The following DGKI variants were observed in gnomAD, a reference collection of about 807,000 sequenced individuals.
The protein encoded by DGKI is diacylglycerol kinase iota.
Under a neutral mutation model 147.5 loss-of-function variants are expected in DGKI, and 55 were observed. That is an observed-to-expected ratio of 0.37 (90% confidence interval 0.30 to 0.47). The LOEUF is 0.47. DGKI is among the 20% of genes least tolerant of loss of function. The probability of loss-of-function intolerance (pLI) is 1.00; values close to 1 mark genes in which losing one functional copy is unlikely to be tolerated. For synonymous variants in DGKI, 469 were observed against 477.1 expected (o/e 0.98, Z 0.22); for missense variants, 1,007 against 1,323.8 (o/e 0.76, Z 3.71).
chr7:137,691,811 T>TGTTTG (rs1563152851), intron 1 of DGKI, among the ~76,000 whole-genome samples: 2 of 145,830 alleles, frequency 1.4e-5, no homozygotes, highest in African/African-American at 5.1e-5. Flanking sequence ...TTTTTTTTTT[T>TGTTTG]TTTTTTTTTT....
intron 1 of DGKI, among the ~76,000 whole-genome samples, chr7:137,750,415 T>C (rs1048450430): frequency 2.0e-5 from 3 of 148,050 alleles, no homozygotes; most frequent in Non-Finnish European, 3.0e-5. Flanking sequence ...TAGATCGCTG[T>C]TGTATCACAA....
chr7:137,826,740 G>T (rs1362231348), intron 1 of DGKI, among the ~76,000 whole-genome samples: 1 of 152,156 alleles, frequency 6.6e-6, no homozygotes, highest in Non-Finnish European at 1.5e-5. Flanking sequence ...GGGCAGGCGA[G>T]TTTATCCAAA....
At chr7:137,450,995 T>C (rs965980300) in intron 27 of DGKI, among the ~76,000 whole-genome samples, 29 of 152,060 alleles carry the variant, frequency 1.9e-4, no homozygotes, top group Non-Finnish European at 3.4e-4. Context: ...CTATTTTAGA[T>C]AGAATATTAT....
chr7:137,488,180 A>T (rs1252895256), intron 21 of DGKI, among the ~76,000 whole-genome samples: 1 of 152,154 alleles, frequency 6.6e-6, no homozygotes, highest in Non-Finnish European at 1.5e-5. Context: ...GTCTGTCTAC[A>T]ACAGTTTCCT....
At chr7:137,816,987 A>C (rs1038951949) in intron 1 of DGKI, among the ~76,000 whole-genome samples, 1 of 152,200 alleles carries the variant, frequency 6.6e-6, no homozygotes, top group African/African-American at 2.4e-5. Context: ...AGGAGTTATG[A>C]CAAAATCTCC....
intron 3 of DGKI, among the ~76,000 whole-genome samples, chr7:137,674,680 T>G (rs752285059): frequency 6.6e-6 from 1 of 152,198 alleles, no homozygotes; most frequent in Non-Finnish European, 1.5e-5. Flanking sequence ...GATTGCCACC[T>G]CGTTTGTACA....
At chr7:137,807,447 C>A (rs1445495834) in intron 1 of DGKI, among the ~76,000 whole-genome samples, 1 of 152,210 alleles carries the variant, frequency 6.6e-6, no homozygotes, top group African/African-American at 2.4e-5. Flanking sequence ...TTTAAGCCTA[C>A]AGTGGAAGTG....
intron 6 of DGKI, among the ~76,000 whole-genome samples, chr7:137,638,556 A>G (rs28605953): frequency 2.2e-4 from 23 of 106,594 alleles, no homozygotes; most frequent in East Asian, 5.9e-4. Flanking sequence ...ATATGTGTGT[A>G]TATATATACA....
intron 30 of DGKI, among the ~76,000 whole-genome samples, chr7:137,400,380 G>A (rs577238686): frequency 2.6e-5 from 4 of 152,310 alleles, no homozygotes; most frequent in South Asian, 4.1e-4. Context: ...CAGGGGCCTT[G>A]TTTACTTTTC....
intron 29 of DGKI, among the ~76,000 whole-genome samples, chr7:137,410,361 T>C (rs1009668096): frequency 6.6e-6 from 1 of 152,118 alleles, no homozygotes; most frequent in Non-Finnish European, 1.5e-5. Flanking sequence ...GCCGAGATCG[T>C]GCCACTGCAC....
At chr7:137,772,291 G>A (rs1055242907) in intron 1 of DGKI, 1 of 152,146 alleles carries the variant, frequency 6.6e-6, no homozygotes, top group African/African-American at 2.4e-5. Flanking sequence ...CTCTTAGCCA[G>A]CATCATGTTA....
At chr7:137,493,567 C>T (rs1815849973) in intron 21 of DGKI, among the ~76,000 whole-genome samples, 1 of 152,082 alleles carries the variant, frequency 6.6e-6, no homozygotes, top group South Asian at 2.1e-4. Flanking sequence ...TGAGCATTGG[C>T]CCCCTAAAAT....
intron 30 of DGKI, among the ~76,000 whole-genome samples, chr7:137,397,756 T>G (rs1368313488): frequency 6.6e-6 from 1 of 152,180 alleles, no homozygotes; most frequent in Non-Finnish European, 1.5e-5. Context: ...GCTTTAGGAA[T>G]CAGGGCAATT....
rs78816210 is a variant in DGKI at position 137,433,043 on chromosome 7, C to A, written c.2761+11034G>T. Among the ~76,000 whole-genome samples the A allele has an allele frequency of 5.9e-5, 9 of 152,274 alleles. No individual in the cohort carries two copies. The East Asian group carries it at 1.7e-3, about 29-fold the overall frequency. ...GAAAGTCACACCCTAAGATTTAGGG[C>A]ACCCAAAATGAACCCAGAAATTGAG... On this transcript the variant is annotated intron_variant, in intron 28 of 32. Coordinates refer to ENST00000614521, the MANE Select transcript of DGKI (RefSeq NM_001321708.2).
intron 6 of DGKI, among the ~76,000 whole-genome samples, chr7:137,638,523 T>C (rs1482896191): frequency 8.8e-6 from 1 of 114,140 alleles, no homozygotes; most frequent in East Asian, 2.8e-4. Context: ...TGTGTATATA[T>C]ATACACACAC....
chr7:137,744,522 G>T (rs1795269085), intron 1 of DGKI, among the ~76,000 whole-genome samples: 3 of 151,988 alleles, frequency 2.0e-5, no homozygotes, highest in Admixed American at 1.3e-4. Flanking sequence ...ATCAAGGAGG[G>T]TCTCCTCCTA....
intron 19 of DGKI, among the ~76,000 whole-genome samples, chr7:137,563,810 A>G (rs1818494660): frequency 6.6e-6 from 1 of 152,094 alleles, no homozygotes. Flanking sequence ...ATAAATGGAG[A>G]AATATACCAT....
intron 28 of DGKI, among the ~76,000 whole-genome samples, chr7:137,442,160 A>C (rs1164908675): frequency 6.6e-6 from 1 of 152,192 alleles, no homozygotes; most frequent in Admixed American, 6.5e-5. Context: ...AACATGTAAG[A>C]AATTTTTTGA....
intron 21 of DGKI, among the ~76,000 whole-genome samples, chr7:137,494,066 G>A (rs10257221): frequency 0.17 from 25,945 of 152,042 alleles, 3,437 homozygotes; most frequent in African/African-American, 0.38. Context: ...GACCAGCTGA[G>A]GAATCTCAGA....
Sources: gnomAD v4.1 joint callset for allele counts (sites outside exome capture counted in the v4.1 genomes callset) on GRCh38, gnomAD v4.1.1 for gene constraint, MANE v1.5 for transcripts, NCBI Gene and HGNC (gene_info 2026-07-23, HGNC 2026-07-21) for gene names.